The following MME variants were observed in gnomAD, a reference collection of about 807,000 sequenced individuals.
MME encodes the protein neprilysin.
A neutral mutation model predicts 113.2 loss-of-function variants in MME; 98 were observed. The observed-to-expected ratio is 0.87, with a 90% CI of 0.74 to 1.02. The LOEUF (loss-of-function observed/expected upper bound fraction) is 1.02, where lower values mean the gene tolerates loss of function less well. MME is among the 50% of genes least tolerant of loss of function. MME has a pLI of 0.00. For missense variants in MME, 836 were observed against 896.0 expected (o/e 0.93, Z 0.86); for synonymous variants, 292 against 300.6 (o/e 0.97, Z 0.30).
At chr3:155,093,331 G>A (rs957684224) in intron 3 of MME, among the ~76,000 whole-genome samples, 2 of 148,920 alleles carry the variant, frequency 1.3e-5, no homozygotes, top group Admixed American at 6.7e-5. Context: ...TAAATCAACT[G>A]GGAAGTTAAA....
chr3:155,030,377 T>G (rs1559886535), intron 1 of MME, among the ~76,000 whole-genome samples: 1 of 152,164 alleles, frequency 6.6e-6, no homozygotes, highest in Non-Finnish European at 1.5e-5. Flanking sequence ...CAATCTACAC[T>G]TAGGTGGTCT....
chr3:155,113,527 C>T (rs763494564), intron 3 of MME, among the ~76,000 whole-genome samples: 4 of 152,086 alleles, frequency 2.6e-5, no homozygotes, highest in South Asian at 4.1e-4. Flanking sequence ...GAATTACAGG[C>T]GTGAGCCACT....
At chr3:155,061,118 C>T (rs1325973657) in intron 1 of MME, among the ~76,000 whole-genome samples, 1 of 152,146 alleles carries the variant, frequency 6.6e-6, no homozygotes, top group Non-Finnish European at 1.5e-5. Context: ...GCATGTAACA[C>T]TTTTAAAAAT....
At chr3:155,158,940 A>T (rs1373928471) in intron 16 of MME, 1 of 152,044 alleles carries the variant, frequency 6.6e-6, no homozygotes, top group East Asian at 1.9e-4. Context: ...AGGAAGAAAC[A>T]TGTTGATCAA....
intron 1 of MME, among the ~76,000 whole-genome samples, chr3:155,063,255 A>T (rs1274797213): frequency 8.5e-6 from 1 of 116,994 alleles, no homozygotes; most frequent in African/African-American, 3.4e-5. Flanking sequence ...AATAATATAC[A>T]TATAATGTAT....
At chr3:155,063,126 A>G (rs1714210667) in intron 1 of MME, among the ~76,000 whole-genome samples, 1 of 117,240 alleles carries the variant, frequency 8.5e-6, no homozygotes, top group Admixed American at 8.2e-5. Context: ...TTATATATTT[A>G]TGTTATATAA....
At chr3:155,176,956 A>AG (rs1712596559) in intron 22 of MME, among the ~76,000 whole-genome samples, 1 of 152,168 alleles carries the variant, frequency 6.6e-6, no homozygotes, top group Non-Finnish European at 1.5e-5. Context: ...GGATGGAAAG[A>AG]GGATGGGCAG....
rs1718686563 is a variant in MME at position 155,117,078 on chromosome 3, AT to A, written c.654+96del. 7 of 810,648 alleles carry A rather than the reference AT, an allele frequency of 8.6e-6. No homozygotes were observed. The Admixed American group carries it at 1.3e-4, about 15-fold the overall frequency. The allele number at this position is 810,648 out of a possible 1,614,324, so 50.2% of individuals were successfully genotyped here. Reference sequence around the variant, plus strand: ...GTTATTGATATTTAGAAATAATGCTATTTTCAATTGAATTGAATAAGCAAGG... The same window carrying A: ...GTTATTGATATTTAGAAATAATGCTATTTCAATTGAATTGAATAAGCAAGG... On this transcript the variant is annotated intron_variant, in intron 7 of 22. Transcript: ENST00000360490.
intron 11 of MME, 47 bp downstream of exon 11, chr3:155,142,174 C>G (rs1405929995): frequency 6.2e-7 from 1 of 1,613,182 alleles, no homozygotes; most frequent in Non-Finnish European, 8.5e-7. Flanking sequence ...CATTTCATAT[C>G]ACTCTTCAGA....
chr3:155,087,389 G>A (rs988617301), intron 3 of MME, among the ~76,000 whole-genome samples: 3 of 151,956 alleles, frequency 2.0e-5, no homozygotes, highest in Non-Finnish European at 2.9e-5. Context: ...GCTCGACATA[G>A]TAAGTTTTTC....
chr3:155,078,222 G>C (rs1388303533), upstream of MME, among the ~76,000 whole-genome samples: 1 of 151,224 alleles, frequency 6.6e-6, no homozygotes, highest in East Asian at 1.9e-4. Flanking sequence ...GACTCTGTAG[G>C]AAAAAAAAAT....
At chr3:155,168,683 T>C (rs1711583472) in intron 19 of MME, 49 bp from the exon 20 acceptor site, 2 of 1,612,398 alleles carry the variant, frequency 1.2e-6, no homozygotes, top group South Asian at 1.1e-5. Flanking sequence ...AAGTGTATTA[T>C]TGGTGGTTTC....
Position 155,143,538 on chromosome 3 carries a change from G to A in MME, c.1284G>A (p.Val428=). Residue 428 remains valine, a synonymous_variant, in exon 13 of 23, where the codon GTG becomes GTA. Coordinates refer to ENST00000360490, the MANE Select transcript of MME (RefSeq NM_007289.4). ...NMENAVGRLY[V]EAAFAGESKH... ...AAAATGCTGTGGGGAGGCTTTATGT[G>A]GAAGCAGCATTTGCTGGAGAGAGTA... The A allele has an allele frequency of 6.2e-7, 1 of 1,612,632 alleles. No homozygotes were observed. The highest frequency in any genetic ancestry group is 8.5e-7 in the Non-Finnish European group (1 of 1,178,894).
intron 16 of MME, among the ~76,000 whole-genome samples, chr3:155,153,041 T>C (rs1213670051): frequency 1.3e-5 from 2 of 150,884 alleles, no homozygotes; most frequent in East Asian, 3.9e-4. Context: ...GGATTTACTT[T>C]TTTTTTTTTT....
intron 3 of MME, chr3:155,112,599 A>G (rs1452075413): frequency 6.6e-6 from 1 of 152,208 alleles, no homozygotes; most frequent in Non-Finnish European, 1.5e-5. Flanking sequence ...CTGCCTGTGG[A>G]GTACAGAATG....
intron 8 of MME, among the ~76,000 whole-genome samples, chr3:155,132,439 A>C (rs1362903644): frequency 6.6e-6 from 1 of 152,176 alleles, no homozygotes. Flanking sequence ...TGTGATTTTA[A>C]AACCCACAAA....
intron 16 of MME, among the ~76,000 whole-genome samples, chr3:155,155,794 C>T (rs551868754): frequency 1.7e-4 from 26 of 152,122 alleles, no homozygotes; most frequent in Non-Finnish European, 3.2e-4. Flanking sequence ...CAAGTGTCTC[C>T]AAAATTAGGA....
chr3:155,096,719 G>A (rs1279183132), intron 3 of MME, among the ~76,000 whole-genome samples: 3 of 152,084 alleles, frequency 2.0e-5, no homozygotes, highest in African/African-American at 7.2e-5. Flanking sequence ...GCTGTTGTTT[G>A]TTTGTTTGTT....
At chr3:155,056,250 C>T (rs1048382201) in intron 1 of MME, among the ~76,000 whole-genome samples, 13 of 151,688 alleles carry the variant, frequency 8.6e-5, no homozygotes, top group Admixed American at 3.9e-4. Context: ...CATATGTATA[C>T]ATGTGCCATG....
Sources: gnomAD v4.1 joint callset for allele counts (sites outside exome capture counted in the v4.1 genomes callset) on GRCh38, gnomAD v4.1.1 for gene constraint, MANE v1.5 for transcripts, NCBI Gene and HGNC (gene_info 2026-07-23, HGNC 2026-07-21) for gene names.